The following RAB6B variants were observed in gnomAD, a reference collection of about 807,000 sequenced individuals.
The protein encoded by RAB6B is ras-related protein Rab-6B.
Under a neutral mutation model 31.2 loss-of-function variants are expected in RAB6B, and 7 were observed. The ratio of observed to expected loss-of-function variants is 0.22; its 90% CI spans 0.13 to 0.42. The LOEUF (loss-of-function observed/expected upper bound fraction) is 0.42. Among genes scored for constraint, RAB6B ranks in the 10% least tolerant of loss-of-function variants. The pLI is 1.00. For synonymous variants in RAB6B, 105 were observed against 104.9 expected (o/e 1.00, Z -0.01); for missense variants, 149 against 280.6 (o/e 0.53, Z 3.35).
chr3:133,828,406 GAAAAGGT>G lies in RAB6B; in HGVS notation c.*375_*381del. The G allele has an allele frequency of 2.8e-6, 1 of 358,262 alleles. No individual in the cohort carries two copies. 22.2% of individuals were successfully genotyped at this position (358,262 alleles called of 1,614,324 possible). ...GAGAACAGGAAGGAGGAGGTGTGTG[GAAAAGGT>G]TCTCTATAAGTTTACAAATATACAA... On this transcript the variant is annotated 3_prime_UTR_variant, in exon 8 of 8. Transcript: ENST00000285208.
At chr3:133,866,609 G>A (rs1044038803) in intron 1 of RAB6B, among the ~76,000 whole-genome samples, 33 of 152,228 alleles carry the variant, frequency 2.2e-4, no homozygotes, top group African/African-American at 8.0e-4. Context: ...TGATAGAAAC[G>A]AGGCTATAAA....
intron 7 of RAB6B, among the ~76,000 whole-genome samples, chr3:133,833,405 A>G (rs1935683809): frequency 6.6e-6 from 1 of 151,994 alleles, no homozygotes; most frequent in African/African-American, 2.4e-5. Flanking sequence ...CTGCTGGGGC[A>G]CCTGCTCCTT....
rs1408793288 is a variant in RAB6B, at chr3:133,895,853, C to T, written c.-387G>A. The T allele has an allele frequency of 5.1e-6, 1 of 195,288 alleles. No individual in the cohort carries two copies. The highest frequency in any genetic ancestry group is 2.3e-5 in the African/African-American group (1 of 42,958). The allele number at this position is 195,288 out of a possible 1,614,324, so 12.1% of individuals were successfully genotyped here. A position where few individuals can be genotyped will look rare whatever the true frequency, so the allele number is the denominator to read the frequency against. On this transcript the variant is annotated 5_prime_UTR_variant, in exon 1 of 8. Coordinates refer to ENST00000285208, the MANE Select transcript of RAB6B (RefSeq NM_016577.4). ...GCCGCGCCAGTCGGCCCCCTCCCGCCTGCCTCCTCCGCCGGCGCCTGCGCT... is the reference window on the plus strand; with the variant it reads ...GCCGCGCCAGTCGGCCCCCTCCCGCTTGCCTCCTCCGCCGGCGCCTGCGCT...
At chr3:133,890,263 A>G (rs1474533549) in intron 1 of RAB6B, among the ~76,000 whole-genome samples, 2 of 152,100 alleles carry the variant, frequency 1.3e-5, no homozygotes, top group Admixed American at 1.3e-4. Context: ...AGTGCCCCCC[A>G]AGAACTTCAG....
At chr3:133,851,310 A>T (rs967845663) in intron 2 of RAB6B, among the ~76,000 whole-genome samples, 3 of 152,234 alleles carry the variant, frequency 2.0e-5, no homozygotes, top group African/African-American at 7.2e-5. Flanking sequence ...GTACACCCTG[A>T]GGTGTGAAGC....
At chr3:133,871,304 G>C (rs959871370) in intron 1 of RAB6B, among the ~76,000 whole-genome samples, 1 of 152,202 alleles carries the variant, frequency 6.6e-6, no homozygotes, top group Admixed American at 6.5e-5. Flanking sequence ...TGCAAGGAAA[G>C]GCCGCTCTGC....
At chr3:133,853,615 AAGGGAGCCCC>A (rs1181563751) in intron 2 of RAB6B, among the ~76,000 whole-genome samples, 1 of 152,074 alleles carries the variant, frequency 6.6e-6, no homozygotes, top group East Asian at 1.9e-4. Context: ...GTAATATGCC[AAGGGAGCCCC>A]AGTCTGTTTT....
chr3:133,841,249 T>A, intron 4 of RAB6B, 36 bp downstream of exon 4: 6 of 1,609,366 alleles, frequency 3.7e-6, no homozygotes, highest in Non-Finnish European at 5.1e-6. Flanking sequence ...GGACCCCCTA[T>A]GAGCCACCCT....
intron 1 of RAB6B, among the ~76,000 whole-genome samples, chr3:133,891,917 T>C (rs1222687505): frequency 6.6e-6 from 1 of 152,114 alleles, no homozygotes; most frequent in African/African-American, 2.4e-5. Flanking sequence ...CTCCATCCAG[T>C]CTTCCTGCTT....
chr3:133,835,991 G>A (rs192192516), intron 6 of RAB6B, among the ~76,000 whole-genome samples: 66 of 152,324 alleles, frequency 4.3e-4, no homozygotes, highest in African/African-American at 1.5e-3. Context: ...GAGCACTCCC[G>A]CTGTCCTCAC....
At chr3:133,862,838 CACCA>C (rs1466129721) in intron 2 of RAB6B, among the ~76,000 whole-genome samples, 1 of 152,208 alleles carries the variant, frequency 6.6e-6, no homozygotes, top group Non-Finnish European at 1.5e-5. Flanking sequence ...CTGCCAAGAA[CACCA>C]ACCAACCAAG....
intron 6 of RAB6B, among the ~76,000 whole-genome samples, 172 bp from the exon 7 acceptor site, chr3:133,834,813 C>A (rs1022738710): frequency 8.5e-5 from 13 of 152,306 alleles, no homozygotes; most frequent in Middle Eastern, 3.4e-3. Flanking sequence ...CTCTCTCCCC[C>A]ACCTCTCACA....
At chr3:133,851,029 A>C (rs1935977176) in intron 2 of RAB6B, among the ~76,000 whole-genome samples, 1 of 152,024 alleles carries the variant, frequency 6.6e-6, no homozygotes. Flanking sequence ...AAAAAAAAAA[A>C]AAACCGTGGA....
At chr3:133,887,999 T>C (rs1936574915) in intron 1 of RAB6B, among the ~76,000 whole-genome samples, 1 of 152,134 alleles carries the variant, frequency 6.6e-6, no homozygotes, top group Non-Finnish European at 1.5e-5. Context: ...GCTTCCCTCC[T>C]CCCTGCTCAG....
chr3:133,835,498 GTGTGTT>G (rs1165547502), intron 6 of RAB6B, among the ~76,000 whole-genome samples: 1 of 151,568 alleles, frequency 6.6e-6, no homozygotes, highest in East Asian at 1.9e-4. Flanking sequence ...GTGTGTGTGT[GTGTGTT>G]TGGGCAGGTG....
At chr3:133,858,548 G>A (rs1936114840) in intron 2 of RAB6B, among the ~76,000 whole-genome samples, 1 of 152,156 alleles carries the variant, frequency 6.6e-6, no homozygotes, top group Non-Finnish European at 1.5e-5. Flanking sequence ...TCCTCACATT[G>A]TCTTTCTCTG....
chr3:133,835,605 C>T (rs1025350857), intron 6 of RAB6B, among the ~76,000 whole-genome samples: 1 of 151,880 alleles, frequency 6.6e-6, no homozygotes, highest in Non-Finnish European at 1.5e-5. Context: ...AAGTATGAGG[C>T]ACAGAAGACT....
chr3:133,863,357 G>A, intron 2 of RAB6B, among the ~76,000 whole-genome samples: 1 of 152,232 alleles, frequency 6.6e-6, no homozygotes, highest in East Asian at 1.9e-4. Flanking sequence ...AATTGGTCCA[G>A]AGGGAGACAG....
intron 1 of RAB6B, among the ~76,000 whole-genome samples, chr3:133,888,431 G>A (rs1936584582): frequency 6.6e-6 from 1 of 152,188 alleles, no homozygotes; most frequent in Non-Finnish European, 1.5e-5. Flanking sequence ...TTTCCTGGAA[G>A]TAACCTTTGC....
Sources: gnomAD v4.1 joint callset for allele counts (sites outside exome capture counted in the v4.1 genomes callset) on GRCh38, gnomAD v4.1.1 for gene constraint, MANE v1.5 for transcripts, NCBI Gene and HGNC (gene_info 2026-07-23, HGNC 2026-07-21) for gene names.